VIRMA: variants seen among roughly 807,000 people sequenced by gnomAD.
VIRMA encodes the protein protein virilizer homolog.
VIRMA carries 65 observed loss-of-function variants against 182.4 expected under a neutral mutation model. That is an observed-to-expected ratio of 0.36 (90% CI 0.29 to 0.44). The LOEUF (loss-of-function observed/expected upper bound fraction) is 0.44, where lower values mean the gene tolerates loss of function less well. Among genes scored for constraint, VIRMA ranks in the 20% least tolerant of loss-of-function variants. The pLI is 1.00. For missense variants in VIRMA, 1,752 were observed against 2,158.1 expected (o/e 0.81, Z 3.73); for synonymous variants, 709 against 743.1 (o/e 0.95, Z 0.75).
At chr8:94,496,189 A>T in intron 18 of VIRMA, 139 bp downstream of exon 18, 1 of 746,994 alleles carries the variant, frequency 1.3e-6, no homozygotes. Context: ...TCAAATTATT[A>T]ATTCAAAGAG....
At chr8:94,538,135 CAATT>C in intron 3 of VIRMA, 121 bp downstream of exon 3, 1 of 699,436 alleles carries the variant, frequency 1.4e-6, no homozygotes, top group Non-Finnish European at 2.6e-6. Flanking sequence ...CACCATGACA[CAATT>C]AAACCCTGTG....
Position 94,553,423 on chromosome 8 carries a change from G to T in VIRMA, c.25C>A (p.Leu9Met), listed in dbSNP as rs879162302. MAVDSAME[L>M]LFLDTFKHPS... ...TGTTTAAAAGTATCTAAAAATAACA[G>T]CTCCATCGCCGAGTCCACCGCCATG... The change falls in exon 1 of 24, where the codon CTG becomes ATG. Residue 9 changes from leucine to methionine, a missense_variant. This residue lies in a region of VIRMA where 195 missense variants were observed against 191.7 expected (regional missense o/e 1.02). Coordinates refer to ENST00000297591, the MANE Select transcript of VIRMA (RefSeq NM_015496.5). The T allele has an allele frequency of 5.0e-6, 8 of 1,614,066 alleles. No homozygotes were observed. The highest frequency in any genetic ancestry group is 6.8e-6 in the Non-Finnish European group (8 of 1,180,046).
rs1219531368 is a variant in VIRMA, at chr8:94,515,409, T to C, written c.2669-458A>G. Among the ~76,000 whole-genome samples, 5 of 152,266 alleles carry C rather than the reference T, an allele frequency of 3.3e-5. No individual in the cohort carries two copies. In the East Asian group the frequency reaches 7.7e-4, roughly 24 times the overall value. On this transcript the variant is annotated intron_variant, in intron 10 of 23. Coordinates refer to ENST00000297591, the MANE Select transcript of VIRMA (RefSeq NM_015496.5). ...TTCTTTAAACAAGTTTTTCATTCTG[T>C]TGCCCAGGCTGAAGTGCAACAGTGT...
At chr8:94,508,014 T>C (rs1214760309) in intron 15 of VIRMA, among the ~76,000 whole-genome samples, 1 of 151,270 alleles carries the variant, frequency 6.6e-6, no homozygotes, top group Non-Finnish European at 1.5e-5. Flanking sequence ...TATATATACT[T>C]CTAAATTCAA....
chr8:94,511,214 G>T lies in VIRMA; in HGVS notation c.3361C>A (p.Pro1121Thr). 1 of 1,614,020 alleles carries T rather than the reference G, an allele frequency of 6.2e-7. No homozygotes were observed. Among genetic ancestry groups the T allele is most frequent in the African/African-American group, 1.3e-5 (1 of 75,030 alleles). The change falls in exon 13 of 24, where the codon CCT (proline) becomes ACT (threonine). Residue 1121 changes from proline (P) to threonine (T), a missense_variant. Physicochemically the swap from Pro to Thr is conservative, Grantham distance 38. This residue lies in a region of VIRMA where 777 missense variants were observed against 920.6 expected (regional missense o/e 0.84). Transcript: ENST00000297591. ...SGLILLSELL[P>T]LPLPMQTTQV... ...GTTGTTTGCATGGGCAATGGAAGAG[G>T]CAGCAGCTCTGAAAGGAGTATGAGT...
At chr8:94,546,931 T>C (rs2130395987) in intron 1 of VIRMA, 1 of 455,608 alleles carries the variant, frequency 2.2e-6, no homozygotes, top group Admixed American at 2.4e-5. Flanking sequence ...CTTATATCCC[T>C]AGCTTACCAT....
intron 22 of VIRMA, among the ~76,000 whole-genome samples, 195 bp downstream of exon 22, chr8:94,491,383 A>C (rs1327307318): frequency 2.6e-5 from 4 of 152,064 alleles, no homozygotes. Flanking sequence ...ACAATGCATG[A>C]AAGGTTCATT....
chr8:94,535,519 T>C (rs996859260), intron 4 of VIRMA, among the ~76,000 whole-genome samples: 11 of 152,322 alleles, frequency 7.2e-5, no homozygotes, highest in African/African-American at 2.6e-4. Context: ...GTGCAGTGGC[T>C]CACGCCTGTA....
intron 15 of VIRMA, among the ~76,000 whole-genome samples, chr8:94,507,735 C>G (rs1814208536): frequency 6.6e-6 from 1 of 151,814 alleles, no homozygotes; most frequent in African/African-American, 2.4e-5. Flanking sequence ...GTCTGGGCAA[C>G]AGAGCCAGAC....
At chr8:94,495,654 A>G in intron 19 of VIRMA, 77 bp downstream of exon 19, 3 of 1,242,340 alleles carry the variant, frequency 2.4e-6, no homozygotes, top group Non-Finnish European at 3.4e-6. Context: ...ATAGAAAAAA[A>G]CGTTTGCTGG....
At chr8:94,535,168 G>A (rs1218868476) in intron 4 of VIRMA, among the ~76,000 whole-genome samples, 161 bp from the exon 5 acceptor site, 1 of 152,164 alleles carries the variant, frequency 6.6e-6, no homozygotes, top group Admixed American at 6.5e-5. Context: ...ACAGCTTTTA[G>A]TGTGGTTCTC....
At chr8:94,505,084 G>T (rs995734940) in intron 16 of VIRMA, among the ~76,000 whole-genome samples, 1 of 152,150 alleles carries the variant, frequency 6.6e-6, no homozygotes, top group African/African-American at 2.4e-5. Context: ...AAATATCTTG[G>T]CAATAGGAAA....
chr8:94,515,669 G>C (rs1446628092), intron 10 of VIRMA, among the ~76,000 whole-genome samples: 1 of 151,900 alleles, frequency 6.6e-6, no homozygotes, highest in Admixed American at 6.6e-5. Context: ...ACCGCGCCCA[G>C]CTTAAACAAT....
intron 15 of VIRMA, among the ~76,000 whole-genome samples, chr8:94,509,318 T>C (rs1407908989): frequency 6.6e-6 from 1 of 151,834 alleles, no homozygotes; most frequent in Non-Finnish European, 1.5e-5. Flanking sequence ...GGAGAATCAC[T>C]TGAACCCAGT....
intron 15 of VIRMA, among the ~76,000 whole-genome samples, chr8:94,508,543 G>A (rs1434639395): frequency 6.6e-6 from 1 of 152,138 alleles, no homozygotes; most frequent in Non-Finnish European, 1.5e-5. Context: ...TGAGATTCGT[G>A]TGACCAAGGC....
chr8:94,528,255 GA>G (rs1168460165), intron 7 of VIRMA, among the ~76,000 whole-genome samples: 10 of 140,190 alleles, frequency 7.1e-5, no homozygotes, highest in African/African-American at 2.1e-4. Flanking sequence ...AAAAAAGAAA[GA>G]AAAAAAGAAA....
intron 1 of VIRMA, among the ~76,000 whole-genome samples, chr8:94,553,044 G>GTCAAACCCTACT (rs2130412754): frequency 6.6e-6 from 1 of 152,190 alleles, no homozygotes; most frequent in South Asian, 2.1e-4. Context: ...AAACACTACT[G>GTCAAACCCTACT]GCAAACCAAG....
chr8:94,535,108 A>C, intron 4 of VIRMA, 101 bp from the exon 5 acceptor site: 2 of 1,481,316 alleles, frequency 1.4e-6, no homozygotes, highest in South Asian at 1.4e-5. Context: ...TAAAGTCTTT[A>C]AAAGTATGCT....
intron 11 of VIRMA, among the ~76,000 whole-genome samples, chr8:94,512,646 G>A (rs1814419374): frequency 6.6e-6 from 1 of 152,130 alleles, no homozygotes; most frequent in Non-Finnish European, 1.5e-5. Context: ...GCATGACGGT[G>A]CGTGCCTATA....
Sources: allele counts gnomAD v4.1 joint callset (sites outside exome capture counted in the v4.1 genomes callset), GRCh38; gene constraint gnomAD v4.1.1; regional missense constraint gnomAD v4.1.1; transcripts MANE v1.5; gene names NCBI Gene and HGNC (gene_info 2026-07-23, HGNC 2026-07-21).